SORCS2: variants seen among roughly 807,000 people sequenced by gnomAD.
SORCS2 encodes the protein sortilin related VPS10 domain containing receptor 2.
In SORCS2, 100 loss-of-function variants were observed where a neutral mutation model predicts 141.6. The observed-to-expected ratio is 0.71, with a 90% confidence interval of 0.60 to 0.83. SORCS2 has a LOEUF of 0.83. Ranked by LOEUF, SORCS2 falls within the 40% of genes least tolerant of loss-of-function variation. The pLI, the probability that SORCS2 is intolerant of heterozygous loss-of-function variation, is 0.00. For missense variants in SORCS2, 1,646 were observed against 1,560.2 expected (o/e 1.05, Z -0.93); for synonymous variants, 789 against 676.9 (o/e 1.17, Z -2.57).
At chr4:7,540,926 A>T (rs2109584557) in intron 3 of SORCS2, among the ~76,000 whole-genome samples, 1 of 152,328 alleles carries the variant, frequency 6.6e-6, no homozygotes, top group African/African-American at 2.4e-5. Flanking sequence ...GGAACCGGCC[A>T]GCGCCCCACC....
At chr4:7,262,187 C>T (rs1023934313) in intron 1 of SORCS2, among the ~76,000 whole-genome samples, 4 of 136,826 alleles carry the variant, frequency 2.9e-5, no homozygotes, top group Non-Finnish European at 6.2e-5. Flanking sequence ...CCCATCTATG[C>T]ATCCATCTAT....
chr4:7,424,921 G>T (rs907401806), intron 2 of SORCS2, among the ~76,000 whole-genome samples: 1 of 152,260 alleles, frequency 6.6e-6, no homozygotes, highest in Non-Finnish European at 1.5e-5. Context: ...CAGGCACTCT[G>T]CTCCCAGGAC....
intron 8 of SORCS2, among the ~76,000 whole-genome samples, chr4:7,672,697 A>G (rs1298005236): frequency 1.3e-5 from 2 of 152,112 alleles, no homozygotes; most frequent in African/African-American, 4.8e-5. Flanking sequence ...AGTCCTGGAT[A>G]CCCCTCATAT....
Position 7,591,549 on chromosome 4 carries a change from G to C in SORCS2, c.649-46779G>C, listed in dbSNP as rs540386794. Among the ~76,000 whole-genome samples, 3 of 152,206 alleles carry C rather than the reference G, an allele frequency of 2.0e-5. No homozygotes were observed. The East Asian group carries it at 5.8e-4, about 29-fold the overall frequency. ...GACTTTTGGCTGTGGCAGAGCCAAC[G>C]CTCATGCTCTCCCGGGTGGTCACGG... On this transcript the variant is annotated intron_variant, in intron 3 of 26. Coordinates refer to ENST00000507866, the MANE Select transcript of SORCS2 (RefSeq NM_020777.3).
chr4:7,458,472 C>T (rs1299157061), intron 2 of SORCS2, among the ~76,000 whole-genome samples: 2 of 152,162 alleles, frequency 1.3e-5, no homozygotes, highest in Non-Finnish European at 2.9e-5. Flanking sequence ...AGAATTCCCC[C>T]ATGGTCCCCA....
At chr4:7,537,104 C>T (rs560417222) in intron 3 of SORCS2, among the ~76,000 whole-genome samples, 12 of 152,332 alleles carry the variant, frequency 7.9e-5, no homozygotes, top group Middle Eastern at 3.4e-3. Flanking sequence ...AAGCACAGCC[C>T]GGCCCGCTTG....
chr4:7,266,843 C>T (rs1714767814), intron 1 of SORCS2, among the ~76,000 whole-genome samples: 1 of 152,206 alleles, frequency 6.6e-6, no homozygotes, highest in African/African-American at 2.4e-5. Flanking sequence ...ACACCAGGGT[C>T]AGGCTGCCGG....
At chr4:7,427,259 G>T (rs970441822) in intron 2 of SORCS2, among the ~76,000 whole-genome samples, 3 of 152,190 alleles carry the variant, frequency 2.0e-5, no homozygotes, top group Non-Finnish European at 2.9e-5. Context: ...CTCTGGGGGG[G>T]GCTTTGAGTC....
chr4:7,630,478 G>A (rs983632959), intron 3 of SORCS2, among the ~76,000 whole-genome samples: 2 of 152,192 alleles, frequency 1.3e-5, no homozygotes, highest in African/African-American at 4.8e-5. Context: ...TGAAGGTGAG[G>A]AGAGGGACTT....
At chr4:7,672,013 A>C (rs1379293195) in intron 8 of SORCS2, among the ~76,000 whole-genome samples, 1 of 148,294 alleles carries the variant, frequency 6.7e-6, no homozygotes, top group Non-Finnish European at 1.5e-5. Context: ...GTACAATCTC[A>C]GCTCACTGCA....
chr4:7,321,475 A>G (rs1393359661), intron 1 of SORCS2, among the ~76,000 whole-genome samples: 1 of 152,228 alleles, frequency 6.6e-6, no homozygotes, highest in Non-Finnish European at 1.5e-5. Flanking sequence ...CTCTACACCA[A>G]CAATGCCCAG....
chr4:7,543,245 A>T (rs1436067676), intron 3 of SORCS2, among the ~76,000 whole-genome samples: 2 of 152,160 alleles, frequency 1.3e-5, no homozygotes, highest in Admixed American at 6.5e-5. Context: ...GGTGACAGAG[A>T]GTGAGAGGCA....
At chr4:7,350,541 T>C (rs958634943) in intron 1 of SORCS2, among the ~76,000 whole-genome samples, 1 of 152,180 alleles carries the variant, frequency 6.6e-6, no homozygotes, top group Non-Finnish European at 1.5e-5. Flanking sequence ...GCACCTAGCA[T>C]GCTGATGGGG....
At chr4:7,481,702 G>A (rs1730645309) in intron 2 of SORCS2, among the ~76,000 whole-genome samples, 1 of 152,104 alleles carries the variant, frequency 6.6e-6, no homozygotes, top group Non-Finnish European at 1.5e-5. Flanking sequence ...CTCGGTGGTG[G>A]GGAGGGCACT....
At chr4:7,560,497 G>C (rs1277830692) in intron 3 of SORCS2, among the ~76,000 whole-genome samples, 1 of 152,152 alleles carries the variant, frequency 6.6e-6, no homozygotes, top group African/African-American at 2.4e-5. Flanking sequence ...TGACAGTGCT[G>C]CTCCCGGGAA....
intron 2 of SORCS2, chr4:7,435,103 ACT>A: frequency 3.5e-6 from 2 of 563,448 alleles, no homozygotes; most frequent in East Asian, 3.0e-5. Context: ...GATAAGATAA[ACT>A]CTTAGCAGTT....
chr4:7,500,671 G>T (rs1731910547), intron 2 of SORCS2, among the ~76,000 whole-genome samples: 1 of 151,764 alleles, frequency 6.6e-6, no homozygotes, highest in African/African-American at 2.4e-5. Context: ...CAGTGTGCCG[G>T]CTGGAGACTG....
intron 1 of SORCS2, among the ~76,000 whole-genome samples, chr4:7,317,552 C>T (rs1289897367): frequency 6.6e-6 from 1 of 152,240 alleles, no homozygotes; most frequent in African/African-American, 2.4e-5. Context: ...ATCACAGCCC[C>T]CGCCTCCCTC....
chr4:7,458,198 G>A, intron 2 of SORCS2, among the ~76,000 whole-genome samples: 1 of 152,204 alleles, frequency 6.6e-6, no homozygotes, highest in East Asian at 1.9e-4. Context: ...GAGTCCTCCT[G>A]TGGGGCGGGG....
Sources: gnomAD v4.1 joint callset for allele counts (sites outside exome capture counted in the v4.1 genomes callset) on GRCh38, gnomAD v4.1.1 for gene constraint, MANE v1.5 for transcripts, NCBI Gene and HGNC (gene_info 2026-07-23, HGNC 2026-07-21) for gene names.